Variants in TAFA2 observed in about 807,000 individuals in gnomAD.
The protein encoded by TAFA2 is chemokine-like protein TAFA-2.
In TAFA2, 7 loss-of-function variants were observed where a neutral mutation model predicts 18.8. The observed-to-expected ratio is 0.37, with a 90% CI of 0.21 to 0.70. The LOEUF (loss-of-function observed/expected upper bound fraction) is 0.70. Among genes scored for constraint, TAFA2 ranks in the 30% least tolerant of loss-of-function variants. The probability of loss-of-function intolerance (pLI) is 0.53; values close to 1 mark genes in which losing one functional copy is unlikely to be tolerated. For missense variants in TAFA2, 122 were observed against 158.1 expected, an observed-to-expected ratio of 0.77 and a Z score of 1.23; for synonymous variants, 60 against 54.2, an observed-to-expected ratio of 1.11 and a Z score of -0.47.
rs1869191279 is a variant in TAFA2 at position 61,754,928 on chromosome 12, G to A, written c.203C>T (p.Ser68Phe). 1.2e-6 allele frequency: 2 copies of A among 1,612,856 alleles called. No individual in the cohort carries two copies. Among genetic ancestry groups the A allele is most frequent in the African/African-American group, 1.3e-5 (1 of 74,820 alleles). Residue 68 changes from serine (S) to phenylalanine (F), a missense_variant, in exon 3 of 5, where the codon TCC becomes TTC. Physicochemically the swap from Ser to Phe is radical, Grantham distance 155. Transcript: ENST00000416284. ...GCCTGCCACCTGCCCAGGGAAGCAG[G>A]AGCACTTGACTGTTTGTGACCGTTC... is the stretch of plus-strand genomic sequence containing the variant. ...IEERSQTVKCSCFPGQVAGTT... is the reference protein window; with the variant it reads ...IEERSQTVKCFCFPGQVAGTT...
intron 1 of TAFA2, among the ~76,000 whole-genome samples, chr12:61,973,992 C>T (rs2136668349): frequency 6.6e-6 from 1 of 151,532 alleles, no homozygotes; most frequent in Non-Finnish European, 1.5e-5. Flanking sequence ...TTAAAACTCT[C>T]CAAAAAAAGA....
At chr12:62,175,480 T>C (rs1294605910) in intron 1 of TAFA2, among the ~76,000 whole-genome samples, 1 of 152,226 alleles carries the variant, frequency 6.6e-6, no homozygotes, top group Non-Finnish European at 1.5e-5. Flanking sequence ...GCCTAGTCAT[T>C]GCTCTGATTA....
intron 1 of TAFA2, among the ~76,000 whole-genome samples, chr12:62,202,977 C>T (rs942443546): frequency 1.3e-5 from 2 of 151,994 alleles, no homozygotes; most frequent in Non-Finnish European, 2.9e-5. Flanking sequence ...AAGGCACATG[C>T]CAACATGCCC....
chr12:61,743,019 T>C lies in TAFA2; in HGVS notation c.384+10603A>G, dbSNP rs553838692. Among the ~76,000 whole-genome samples, 193 of 152,050 alleles carry C rather than the reference T, an allele frequency of 1.3e-3. 1 individual carries two copies. The highest frequency in any genetic ancestry group is 4.1e-3 in the African/African-American group (169 of 41,494). ...GGTTCTTCGATGATTCACCACTGCA[T>C]GGAGAAAAAATCCAAATCTTTTAAC... On this transcript the variant is annotated intron_variant, in intron 4 of 4. Coordinates refer to ENST00000416284, the MANE Select transcript of TAFA2 (RefSeq NM_178539.5).
rs1869118042 is a variant in TAFA2, at chr12:62,099,957, A to G, written c.-2+91302T>C. ...TGCTTATAAAATGAGAACAAATTAT[A>G]GATGTAAATATTCTTTTAAAGTAGA... is the stretch of plus-strand genomic sequence containing the variant. On this transcript the variant is annotated intron_variant, in intron 1 of 4. Coordinates refer to ENST00000416284, the MANE Select transcript of TAFA2 (RefSeq NM_178539.5). 2.0e-5 allele frequency among the ~76,000 whole-genome samples: 3 copies of G among 152,216 alleles called. No individual in the cohort carries two copies. The South Asian group carries it at 6.2e-4, about 32-fold the overall frequency.
chr12:61,859,215 C>G lies in TAFA2; in HGVS notation c.106+8105G>C, dbSNP rs957384059. On this transcript the variant is annotated intron_variant, in intron 2 of 4. Transcript: ENST00000416284. ...TCTTCACAGGGCGGCAGGACCAGGA[C>G]GGAGTGAGTGCCAGCAGGGGAAATT... Among the ~76,000 whole-genome samples, 5 of 152,290 alleles carry G rather than the reference C, an allele frequency of 3.3e-5. No homozygotes were observed. The South Asian group carries it at 6.2e-4, about 19-fold the overall frequency.
intron 4 of TAFA2, among the ~76,000 whole-genome samples, chr12:61,742,103 C>G (rs1217007773): frequency 2.0e-5 from 3 of 152,124 alleles, no homozygotes; most frequent in Admixed American, 2.0e-4. Context: ...CCATGTTGGC[C>G]TGGCTGGTCT....
intron 1 of TAFA2, among the ~76,000 whole-genome samples, chr12:62,119,009 T>C (rs1176785058): frequency 6.6e-6 from 1 of 152,182 alleles, no homozygotes; most frequent in East Asian, 1.9e-4. Flanking sequence ...AATATCTTTC[T>C]ACATCCTAGA....
intron 1 of TAFA2, among the ~76,000 whole-genome samples, chr12:62,121,576 C>G (rs1011134686): frequency 6.6e-6 from 1 of 152,102 alleles, no homozygotes; most frequent in African/African-American, 2.4e-5. Flanking sequence ...ATTCAACCAC[C>G]AGGAAAGATA....
intron 1 of TAFA2, among the ~76,000 whole-genome samples, chr12:62,212,417 A>C (rs2062717860): frequency 6.6e-6 from 1 of 152,128 alleles, no homozygotes; most frequent in Non-Finnish European, 1.5e-5. Context: ...GGATAAGCAC[A>C]TTTTCATCTC....
chr12:61,863,634 C>A (rs962352997), intron 2 of TAFA2, among the ~76,000 whole-genome samples: 1 of 152,146 alleles, frequency 6.6e-6, no homozygotes. Flanking sequence ...GATGGATTGA[C>A]CTTCAGTGAG....
chr12:61,778,310 A>G (rs1232589984), intron 2 of TAFA2, among the ~76,000 whole-genome samples: 10 of 151,802 alleles, frequency 6.6e-5, no homozygotes, highest in African/African-American at 2.4e-4. Flanking sequence ...CTTTCAAACC[A>G]TTCTGCTACC....
At chr12:62,136,289 C>T (rs889370899) in intron 1 of TAFA2, among the ~76,000 whole-genome samples, 3 of 152,042 alleles carry the variant, frequency 2.0e-5, no homozygotes, top group Admixed American at 2.0e-4. Flanking sequence ...TGTTGTGAAT[C>T]GTTTCATGTC....
At chr12:61,854,956 G>A (rs1482208261) in intron 2 of TAFA2, among the ~76,000 whole-genome samples, 1 of 152,182 alleles carries the variant, frequency 6.6e-6, no homozygotes, top group Non-Finnish European at 1.5e-5. Context: ...GGATGATAGT[G>A]AAGAGAGATC....
chr12:61,807,784 C>T (rs1871686899), intron 2 of TAFA2, among the ~76,000 whole-genome samples: 1 of 151,432 alleles, frequency 6.6e-6, no homozygotes, highest in African/African-American at 2.5e-5. Context: ...TTTGACCGCC[C>T]CACTGGATTT....
intron 1 of TAFA2, among the ~76,000 whole-genome samples, chr12:62,079,374 C>T (rs905376689): frequency 2.0e-5 from 3 of 151,904 alleles, no homozygotes; most frequent in African/African-American, 4.8e-5. Flanking sequence ...TAACAGTGGC[C>T]GGGCGCCGTG....
chr12:61,976,132 A>T (rs1445753668), intron 1 of TAFA2, among the ~76,000 whole-genome samples: 2 of 151,850 alleles, frequency 1.3e-5, no homozygotes, highest in Admixed American at 1.3e-4. Context: ...AAAAAAAATC[A>T]CTTTTCTTTC....
chr12:61,909,345 A>G (rs1377404757), intron 1 of TAFA2, among the ~76,000 whole-genome samples: 1 of 152,172 alleles, frequency 6.6e-6, no homozygotes, highest in Non-Finnish European at 1.5e-5. Flanking sequence ...GGCGAGCAGG[A>G]CATCGCATAT....
chr12:61,752,586 G>A (rs988308798), intron 4 of TAFA2, among the ~76,000 whole-genome samples: 1 of 151,994 alleles, frequency 6.6e-6, no homozygotes, highest in African/African-American at 2.4e-5. Context: ...ACAGGTTAGA[G>A]TCAAGAAAAA....
Sources: allele counts gnomAD v4.1 joint callset (sites outside exome capture counted in the v4.1 genomes callset), GRCh38; gene constraint gnomAD v4.1.1; transcripts MANE v1.5; gene names NCBI Gene and HGNC (gene_info 2026-07-23, HGNC 2026-07-21).